Variants in TTC29 observed in about 807,000 individuals in gnomAD.
TTC29 encodes the protein tetratricopeptide repeat protein 29.
In TTC29, 49 loss-of-function variants were observed where a neutral mutation model predicts 58.1. The ratio of observed to expected loss-of-function variants is 0.84; its 90% CI spans 0.67 to 1.07. The LOEUF is 1.07. Ranked by LOEUF, TTC29 falls within the 50% of genes least tolerant of loss-of-function variation. The pLI is 0.00. For synonymous variants in TTC29, 209 were observed against 196.8 expected, an observed-to-expected ratio of 1.06 and a Z score of -0.52; for missense variants, 582 against 555.6, an observed-to-expected ratio of 1.05 and a Z score of -0.48.
At chr4:146,878,763 C>T (rs1428703244) in intron 6 of TTC29, among the ~76,000 whole-genome samples, 1 of 152,160 alleles carries the variant, frequency 6.6e-6, no homozygotes, top group Non-Finnish European at 1.5e-5. Context: ...CATCATAGGT[C>T]ACCTCTAAGA....
chr4:146,749,053 C>T (rs975636783), intron 11 of TTC29, among the ~76,000 whole-genome samples: 4 of 151,794 alleles, frequency 2.6e-5, no homozygotes, highest in Admixed American at 6.6e-5. Context: ...TGTGGTGGCT[C>T]ATGCCTGTAA....
At chr4:146,722,867 T>A (rs557641566) in intron 11 of TTC29, among the ~76,000 whole-genome samples, 14 of 152,088 alleles carry the variant, frequency 9.2e-5, no homozygotes, top group Non-Finnish European at 1.6e-4. Context: ...CCTGCTAATT[T>A]TTGTATTTTT....
chr4:146,817,138 A>C (rs1751463273), intron 10 of TTC29, among the ~76,000 whole-genome samples: 2 of 152,226 alleles, frequency 1.3e-5, no homozygotes, highest in Non-Finnish European at 2.9e-5. Flanking sequence ...GAGGAAGTCA[A>C]ATTGTCTCTG....
At chr4:146,909,593 C>G (rs1040182329) in intron 4 of TTC29, among the ~76,000 whole-genome samples, 1 of 151,418 alleles carries the variant, frequency 6.6e-6, no homozygotes, top group Non-Finnish European at 1.5e-5. Flanking sequence ...AAAACCTCAA[C>G]AAGTCAAGCA....
chr4:146,737,734 G>A (rs143403818), intron 11 of TTC29, among the ~76,000 whole-genome samples: 135 of 152,214 alleles, frequency 8.9e-4, no homozygotes, highest in African/African-American at 3.1e-3. Context: ...GATGGCCATC[G>A]TTTCTTCAGA....
intron 5 of TTC29, among the ~76,000 whole-genome samples, chr4:146,904,684 A>AT (rs1435624773): frequency 6.6e-6 from 1 of 152,104 alleles, no homozygotes; most frequent in Non-Finnish European, 1.5e-5. Context: ...CCTTCCAATA[A>AT]TTTTTTAGTA....
intron 11 of TTC29, among the ~76,000 whole-genome samples, chr4:146,772,594 G>A (rs1747817151): frequency 1.3e-5 from 2 of 152,038 alleles, no homozygotes; most frequent in South Asian, 2.1e-4. Context: ...GCCTGTTTTT[G>A]TACCAGTACC....
intron 11 of TTC29, among the ~76,000 whole-genome samples, chr4:146,741,018 G>A (rs565600658): frequency 2.6e-5 from 4 of 152,288 alleles, no homozygotes; most frequent in African/African-American, 2.4e-5. Flanking sequence ...CACCGACCAT[G>A]GTGGAACAAT....
At chr4:146,941,729 T>C (rs536875072) in intron 2 of TTC29, among the ~76,000 whole-genome samples, 20 of 152,230 alleles carry the variant, frequency 1.3e-4, no homozygotes, top group Non-Finnish European at 1.3e-4. Flanking sequence ...TAAGAATCCA[T>C]TGGAGGATAC....
rs78840942 is a variant in TTC29, at chr4:146,935,865, A to G, written c.176+1729T>C. On this transcript the variant is annotated intron_variant, in intron 4 of 12. Coordinates refer to ENST00000325106, the MANE Select transcript of TTC29 (RefSeq NM_031956.4). ...TTGATGCAGTAATTCCCTGGCTAAC[A>G]GACTATGCATAATTCTTCATGGCAC... is the stretch of plus-strand genomic sequence containing the variant. 1.9e-4 allele frequency among the ~76,000 whole-genome samples: 29 copies of G among 152,340 alleles called. No homozygotes were observed. In the East Asian group the frequency reaches 5.6e-3, roughly 29 times the overall value.
chr4:146,903,057 G>A (rs1224335306), intron 6 of TTC29, among the ~76,000 whole-genome samples: 2 of 151,874 alleles, frequency 1.3e-5, no homozygotes, highest in African/African-American at 4.8e-5. Context: ...TGACAATTTT[G>A]TTGTTGTTTT....
At chr4:146,789,918 T>C (rs1328168813) in intron 11 of TTC29, among the ~76,000 whole-genome samples, 4 of 152,166 alleles carry the variant, frequency 2.6e-5, no homozygotes, top group Non-Finnish European at 5.9e-5. Context: ...TGGAATAAAA[T>C]CTAAAGTAAT....
intron 7 of TTC29, among the ~76,000 whole-genome samples, chr4:146,873,100 T>C (rs1365362572): frequency 6.6e-6 from 1 of 152,104 alleles, no homozygotes; most frequent in Non-Finnish European, 1.5e-5. Context: ...GTGCATTACA[T>C]CAACGTACCC....
At chr4:146,829,003 T>C (rs1727988516) in intron 9 of TTC29, among the ~76,000 whole-genome samples, 1 of 152,226 alleles carries the variant, frequency 6.6e-6, no homozygotes, top group Admixed American at 6.5e-5. Context: ...AGCTTATTTG[T>C]ATAAGTTAAA....
At chr4:146,751,750 G>C (rs532792664) in intron 11 of TTC29, among the ~76,000 whole-genome samples, 1 of 151,986 alleles carries the variant, frequency 6.6e-6, no homozygotes, top group East Asian at 1.9e-4. Flanking sequence ...TAAAAAAGAT[G>C]AAAGAGCTCA....
At chr4:146,748,221 G>A (rs1399069420) in intron 11 of TTC29, among the ~76,000 whole-genome samples, 1 of 152,200 alleles carries the variant, frequency 6.6e-6, no homozygotes, top group African/African-American at 2.4e-5. Context: ...CCAGTGCTGT[G>A]AACTGGCCCC....
intron 6 of TTC29, among the ~76,000 whole-genome samples, chr4:146,877,255 T>C (rs1579890866): frequency 6.7e-6 from 1 of 150,144 alleles, no homozygotes; most frequent in Non-Finnish European, 1.5e-5. Context: ...GTTTATTTTC[T>C]GATTTTCTGT....
intron 3 of TTC29, 149 bp downstream of exon 3, chr4:146,939,655 T>G: frequency 1.4e-6 from 1 of 698,104 alleles, no homozygotes; most frequent in South Asian, 1.9e-5. Flanking sequence ...CATAAATCCT[T>G]TTGAAACAGC....
At chr4:146,852,578 C>A (rs2150185305) in intron 8 of TTC29, among the ~76,000 whole-genome samples, 1 of 152,324 alleles carries the variant, frequency 6.6e-6, no homozygotes, top group Non-Finnish European at 1.5e-5. Context: ...CCCTCCCAGG[C>A]CTTTACTCTT....
Sources: allele counts gnomAD v4.1 joint callset (sites outside exome capture counted in the v4.1 genomes callset), GRCh38; gene constraint gnomAD v4.1.1; transcripts MANE v1.5; gene names NCBI Gene and HGNC (gene_info 2026-07-23, HGNC 2026-07-21).